The following NTNG2 variants were observed in gnomAD, a reference collection of about 807,000 sequenced individuals.
The protein encoded by NTNG2 is netrin-G2.
In NTNG2, 15 loss-of-function variants were observed where a neutral mutation model predicts 47.6. The observed-to-expected ratio is 0.32, with a 90% CI of 0.21 to 0.49. The LOEUF (loss-of-function observed/expected upper bound fraction) is 0.49, where lower values mean the gene tolerates loss of function less well. Among genes scored for constraint, NTNG2 ranks in the 20% least tolerant of loss-of-function variants. The probability of loss-of-function intolerance (pLI) is 0.99; values close to 1 mark genes in which losing one functional copy is unlikely to be tolerated. For synonymous variants in NTNG2, 307 were observed against 324.6 expected, an observed-to-expected ratio of 0.95 and a Z score of 0.58; for missense variants, 578 against 764.6, an observed-to-expected ratio of 0.76 and a Z score of 2.88.
At chr9:132,171,388 G>C (rs943765214) in intron 2 of NTNG2, among the ~76,000 whole-genome samples, 3 of 152,228 alleles carry the variant, frequency 2.0e-5, no homozygotes, top group African/African-American at 7.2e-5. Context: ...GAGACTGTAA[G>C]TTCTTTTCTA....
Position 132,236,324 on chromosome 9 carries a change from T to G in NTNG2, c.1055-2780T>G, listed in dbSNP as rs1324540371. Among the ~76,000 whole-genome samples, 1 of 152,102 alleles carries G rather than the reference T, an allele frequency of 6.6e-6. No homozygotes were observed. Among genetic ancestry groups the G allele is most frequent in the Non-Finnish European group, 1.5e-5 (1 of 68,014 alleles). ...GGCGGGGTCCTGGAAGACACTGACATCCTCCTGCTACGTGGGAGGAGACAC... is the reference window on the plus strand; with the variant it reads ...GGCGGGGTCCTGGAAGACACTGACAGCCTCCTGCTACGTGGGAGGAGACAC... On this transcript the variant is annotated intron_variant, in intron 5 of 7. Coordinates refer to ENST00000393229, the MANE Select transcript of NTNG2 (RefSeq NM_032536.4). The surrounding 1 kb of genome is among the most constrained non-coding windows in gnomAD (Gnocchi z 4.3).
At chr9:132,209,729 TAGG>T (rs1467320524) in intron 3 of NTNG2, among the ~76,000 whole-genome samples, 1 of 150,238 alleles carries the variant, frequency 6.7e-6, no homozygotes, top group Non-Finnish European at 1.5e-5. Context: ...AAGAGTGAAA[TAGG>T]GGTAAAAAAG....
Position 132,231,901 on chromosome 9 carries a change from C to A in NTNG2, c.1054+1306C>A, listed in dbSNP as rs1841256895. 1 of 155,504 alleles carries A rather than the reference C, an allele frequency of 6.4e-6. No homozygotes were observed. Among genetic ancestry groups the A allele is most frequent in the African/African-American group, 2.4e-5 (1 of 41,460 alleles). 9.6% of individuals were successfully genotyped at this position (155,504 alleles called of 1,614,324 possible). On this transcript the variant is annotated intron_variant, in intron 5 of 7. Transcript: ENST00000393229. The surrounding 1 kb of genome is among the most constrained non-coding windows in gnomAD (Gnocchi z 4.1). ...GGCAGCCCTGGGCAGAGAGCAGGGG[C>A]TTGGCTCTTAGAATAGAGACGCTAG...
chr9:132,173,114 T>C (rs889738854), intron 2 of NTNG2, among the ~76,000 whole-genome samples: 3 of 152,158 alleles, frequency 2.0e-5, no homozygotes, highest in Non-Finnish European at 2.9e-5. Flanking sequence ...CTGCAGTCCC[T>C]GTTCTGTGGG....
intron 3 of NTNG2, among the ~76,000 whole-genome samples, chr9:132,211,901 G>A (rs1165192447): frequency 1.3e-5 from 2 of 152,208 alleles, no homozygotes; most frequent in East Asian, 1.9e-4. Context: ...TAGGCGTGCT[G>A]TATATGTGTG....
At chr9:132,174,060 AGATG>A (rs1589373445) in intron 2 of NTNG2, among the ~76,000 whole-genome samples, 1 of 139,570 alleles carries the variant, frequency 7.2e-6, no homozygotes, top group Admixed American at 7.2e-5. Flanking sequence ...GCTGCGGATG[AGATG>A]GACAGACGGA....
At chr9:132,189,556 C>T (rs1208193050) in intron 2 of NTNG2, among the ~76,000 whole-genome samples, 2 of 152,176 alleles carry the variant, frequency 1.3e-5, no homozygotes, top group Non-Finnish European at 2.9e-5. Context: ...GAATGAGCCT[C>T]ATGTCCTGCT....
At chr9:132,241,690 G>A (rs1238246157) in intron 7 of NTNG2, among the ~76,000 whole-genome samples, 186 bp from the exon 8 acceptor site, 1 of 152,180 alleles carries the variant, frequency 6.6e-6, no homozygotes, top group East Asian at 1.9e-4. Context: ...GCAGCCGGGG[G>A]CCAGATCTCG....
rs778016269 is a variant in NTNG2 at position 132,231,337 on chromosome 9, G to C, written c.1054+742G>C. 4.4e-6 allele frequency: 2 copies of C among 456,366 alleles called. No homozygotes were observed. The highest frequency in any genetic ancestry group is 3.1e-5 in the South Asian group (2 of 64,534). The allele number at this position is 456,366 out of a possible 1,614,324, so 28.3% of individuals were successfully genotyped here. A position where few individuals can be genotyped will look rare whatever the true frequency, so the allele number is the denominator to read the frequency against. ...CCTGGGAGGTCGCCATCTGCTCTGCGAGGCAGCAGGAGAGGACTGGCCAAT... is the reference window on the plus strand; with the variant it reads ...CCTGGGAGGTCGCCATCTGCTCTGCCAGGCAGCAGGAGAGGACTGGCCAAT... On this transcript the variant is annotated intron_variant, in intron 5 of 7. Coordinates refer to ENST00000393229, the MANE Select transcript of NTNG2 (RefSeq NM_032536.4). This position sits in a 1 kb window ranked among gnomAD's most constrained non-coding sequence, Gnocchi z 4.1.
At position 132,231,041 on chromosome 9, in the gene NTNG2, C is replaced by G. The variant is rs1274019008; in HGVS notation, c.1054+446C>G. ...GACCTTCCCCCACCAGGGGCAGAAT[C>G]CACCCCCTAGCCTAACCATGGGGGC... On this transcript the variant is annotated intron_variant, in intron 5 of 7. Coordinates refer to ENST00000393229, the MANE Select transcript of NTNG2 (RefSeq NM_032536.4). This position sits in a 1 kb window ranked among gnomAD's most constrained non-coding sequence, Gnocchi z 4.1. 1.3e-5 allele frequency among the ~76,000 whole-genome samples: 2 copies of G among 152,084 alleles called. No homozygotes were observed. The highest frequency in any genetic ancestry group is 2.9e-5 in the Non-Finnish European group (2 of 67,970).
At chr9:132,183,765 C>T (rs1310492850) in intron 2 of NTNG2, among the ~76,000 whole-genome samples, 1 of 152,190 alleles carries the variant, frequency 6.6e-6, no homozygotes, top group Non-Finnish European at 1.5e-5. Context: ...GGGGGCCCTT[C>T]CCTGGACCAC....
intron 3 of NTNG2, among the ~76,000 whole-genome samples, chr9:132,199,223 G>C (rs1302325745): frequency 6.6e-6 from 1 of 152,146 alleles, no homozygotes; most frequent in Non-Finnish European, 1.5e-5. Context: ...CTGACTGTGA[G>C]AAGTGCTCTG....
chr9:132,180,244 G>C lies in NTNG2; in HGVS notation c.213+13200G>C, dbSNP rs1328877381. On this transcript the variant is annotated intron_variant, in intron 2 of 7. Transcript: ENST00000393229. The surrounding 1 kb of genome is among the most constrained non-coding windows in gnomAD (Gnocchi z 4.2). ...CCCTTGGCCGAAGCAGAAGTCTGCT[G>C]TCGGGCAAAAGGTGAAGAAGAGACC... Among the ~76,000 whole-genome samples, 3 of 152,256 alleles carry C rather than the reference G, an allele frequency of 2.0e-5. No homozygotes were observed. The highest frequency in any genetic ancestry group is 2.9e-5 in the Non-Finnish European group (2 of 68,040).
intron 2 of NTNG2, among the ~76,000 whole-genome samples, chr9:132,191,518 C>T (rs747666207): frequency 9.2e-5 from 14 of 151,742 alleles, no homozygotes; most frequent in African/African-American, 1.7e-4. Flanking sequence ...GGCTTTCAGA[C>T]GCCAGGGCCC....
At chr9:132,165,756 C>G (rs544843256) in intron 1 of NTNG2, among the ~76,000 whole-genome samples, 1 of 152,330 alleles carries the variant, frequency 6.6e-6, no homozygotes, top group Admixed American at 6.5e-5. Context: ...CTCTGACCCC[C>G]AAGCCGGGGC....
chr9:132,167,585 T>C (rs927100491), intron 2 of NTNG2, among the ~76,000 whole-genome samples: 1 of 152,098 alleles, frequency 6.6e-6, no homozygotes, highest in Non-Finnish European at 1.5e-5. Flanking sequence ...CAGGATGAAG[T>C]TGGGGGTTAA....
At chr9:132,168,434 C>T (rs1005875854) in intron 2 of NTNG2, among the ~76,000 whole-genome samples, 4 of 152,154 alleles carry the variant, frequency 2.6e-5, no homozygotes, top group African/African-American at 4.8e-5. Flanking sequence ...TCTCATGGGC[C>T]GGCTCTGCTC....
chr9:132,203,345 A>T (rs1271677968), intron 3 of NTNG2, among the ~76,000 whole-genome samples: 1 of 152,098 alleles, frequency 6.6e-6, no homozygotes, highest in African/African-American at 2.4e-5. Context: ...GTCTCTAAAA[A>T]AATAATAATA....
chr9:132,240,827 C>T (rs1841926656), intron 6 of NTNG2, 83 bp from the exon 7 acceptor site: 1 of 1,596,400 alleles, frequency 6.3e-7, no homozygotes, highest in Non-Finnish European at 8.5e-7. Flanking sequence ...GAGATGCTCC[C>T]TGCGAGGCCG....
Sources: gnomAD v4.1 joint callset for allele counts (sites outside exome capture counted in the v4.1 genomes callset) on GRCh38, gnomAD v4.1.1 for gene constraint, Gnocchi (gnomAD v3.1) non-coding constraint, MANE v1.5 for transcripts, NCBI Gene and HGNC (gene_info 2026-07-23, HGNC 2026-07-21) for gene names.